Variants in SART3 observed in about 807,000 individuals in gnomAD.
SART3 encodes the protein HIV-1 Tat-interacting protein of 110kDa.
A neutral mutation model predicts 122.3 loss-of-function variants in SART3; 44 were observed. The observed-to-expected ratio is 0.36, with a 90% CI of 0.28 to 0.46. The LOEUF is 0.46. Among genes scored for constraint, SART3 ranks in the 20% least tolerant of loss-of-function variants. SART3 has a pLI of 1.00. For synonymous variants in SART3, 442 were observed against 454.0 expected, an observed-to-expected ratio of 0.97 and a Z score of 0.34; for missense variants, 1,101 against 1,229.0, an observed-to-expected ratio of 0.90 and a Z score of 1.56.
chr12:108,524,494 C>T lies in SART3; in HGVS notation c.2536G>A (p.Val846Met). The T allele has an allele frequency of 1.9e-6, 3 of 1,614,192 alleles. No homozygotes were observed. Among genetic ancestry groups the T allele is most frequent in the South Asian group, 2.2e-5 (2 of 91,086 alleles). The change falls in exon 18 of 19, where the codon GTG becomes ATG. Residue 846 changes from valine (V) to methionine (M), a missense_variant. By Grantham distance (21) the Val-to-Met change is conservative. Coordinates refer to ENST00000546815, the MANE Select transcript of SART3 (RefSeq NM_014706.4). The part of the protein sequence containing the change: ...RAGKPKGLAY[V>M]EYENESQASQ... ...GCCTGGGATTCATTTTCATACTCCACGTAGGCCAGGCCCTGGAAGAGGCAA... is the reference window on the plus strand; with the variant it reads ...GCCTGGGATTCATTTTCATACTCCATGTAGGCCAGGCCCTGGAAGAGGCAA...
At chr12:108,526,669 A>ACCAGACT in intron 15 of SART3, 116 bp from the exon 16 acceptor site, 1 of 1,126,120 alleles carries the variant, frequency 8.9e-7, no homozygotes, top group Admixed American at 1.8e-5. Flanking sequence ...TTACTCCCTC[A>ACCAGACT]CCAGACTCGG....
Position 108,541,305 on chromosome 12 carries a change from G to A in SART3, c.906+1723C>T, listed in dbSNP as rs537768152. Among the ~76,000 whole-genome samples the A allele has an allele frequency of 3.7e-4, 57 of 152,100 alleles. 1 individual carries two copies. In the South Asian group the frequency reaches 0.012, roughly 32 times the overall value. ...GCCTATAATCCCAGCTAATTGGGAG[G>A]CTGAGGCAGGAGAATCGCTTGAACC... On this transcript the variant is annotated intron_variant, in intron 6 of 18. Coordinates refer to ENST00000546815, the MANE Select transcript of SART3 (RefSeq NM_014706.4).
intron 1 of SART3, among the ~76,000 whole-genome samples, chr12:108,556,950 G>A (rs6539439): frequency 0.74 from 112,697 of 152,022 alleles, 43,666 homozygotes; most frequent in East Asian, 0.92. Flanking sequence ...CACCATGTGT[G>A]GATCAGCAGA....
chr12:108,556,382 G>A (rs957118854), intron 1 of SART3, among the ~76,000 whole-genome samples: 2 of 152,224 alleles, frequency 1.3e-5, no homozygotes, highest in East Asian at 3.8e-4. Flanking sequence ...ACAGGTGTGA[G>A]CCACTGCATC....
intron 6 of SART3, among the ~76,000 whole-genome samples, chr12:108,542,321 T>C (rs1354797869): frequency 6.6e-6 from 1 of 152,262 alleles, no homozygotes; most frequent in Non-Finnish European, 1.5e-5. Context: ...AACTCTCAGA[T>C]ACTGCTCACA....
At chr12:108,529,605 G>A (rs1435642771) in intron 15 of SART3, among the ~76,000 whole-genome samples, 1 of 152,162 alleles carries the variant, frequency 6.6e-6, no homozygotes, top group South Asian at 2.1e-4. Flanking sequence ...TTCTCAAAAG[G>A]GTCATCACCA....
chr12:108,538,222 G>C lies in SART3; in HGVS notation c.1063-19C>G. On this transcript the variant is annotated intron_variant, in intron 7 of 18. Coordinates refer to ENST00000546815, the MANE Select transcript of SART3 (RefSeq NM_014706.4). ...GTCGATCCTATGATAAAGAATTCCA[G>C]AGTTAGGAAATTACACTTTATTAAG... 1 of 1,613,896 alleles carries C rather than the reference G, an allele frequency of 6.2e-7. No homozygotes were observed. Among genetic ancestry groups the C allele is most frequent in the Non-Finnish European group, 8.5e-7 (1 of 1,179,812 alleles).
chr12:108,542,634 C>A, intron 6 of SART3: 2 of 334,544 alleles, frequency 6.0e-6, no homozygotes, highest in South Asian at 5.0e-5. Flanking sequence ...ATAAAATATA[C>A]AGCATGATTC....
In SART3 at chr12:108,541,893, G is replaced by GC. The variant is rs1237471808; in HGVS notation, c.906+1134_906+1135insG. ...TTTGTCACTTAGGTGACAATGCAGT[G>GC]GCATGATTACAGCTCACTGCAGCCT... is the stretch of plus-strand genomic sequence containing the variant. On this transcript the variant is annotated intron_variant, in intron 6 of 18. Coordinates refer to ENST00000546815, the MANE Select transcript of SART3 (RefSeq NM_014706.4). Among the ~76,000 whole-genome samples, 7 of 151,802 alleles carry GC rather than the reference G, an allele frequency of 4.6e-5. 1 individual carries two copies. In the East Asian group the frequency reaches 1.4e-3, roughly 29 times the overall value.
intron 1 of SART3, among the ~76,000 whole-genome samples, chr12:108,550,310 C>T (rs901521267): frequency 2.0e-5 from 3 of 152,116 alleles, no homozygotes; most frequent in African/African-American, 7.2e-5. Context: ...AGCAGAAATA[C>T]GGGAACTACG....
rs781485980 is a variant in SART3 at position 108,538,056 on chromosome 12, C to A, written c.1201+9G>T. 4 of 1,614,032 alleles carry A rather than the reference C, an allele frequency of 2.5e-6. No homozygotes were observed. The East Asian group carries it at 8.9e-5, about 36-fold the overall frequency. ...TAGCTTAGAAGTTCTCCCACAAAAA[C>A]ATCCGCACCAGAAATTACTTGATGA... On this transcript the variant is annotated intron_variant, in intron 8 of 18. Transcript: ENST00000546815.
Position 108,524,077 on chromosome 12 carries a change from G to A in SART3, c.2714+239C>T. On this transcript the variant is annotated intron_variant, in intron 18 of 18. Coordinates refer to ENST00000546815, the MANE Select transcript of SART3 (RefSeq NM_014706.4). Reference sequence around the variant, plus strand: ...TTAAAATAATCACTGCCTTATTTCTGTCTGAAATAAATGACAAGTGTAAAT... The same window carrying A: ...TTAAAATAATCACTGCCTTATTTCTATCTGAAATAAATGACAAGTGTAAAT... The A allele has an allele frequency of 5.1e-6, 3 of 590,024 alleles. No individual in the cohort carries two copies. In the South Asian group the frequency reaches 6.1e-5, roughly 12 times the overall value. 36.5% of individuals were successfully genotyped at this position (590,024 alleles called of 1,614,324 possible). A position where few individuals can be genotyped will look rare whatever the true frequency, so the allele number is the denominator to read the frequency against.
At chr12:108,540,720 A>G (rs941468699) in intron 6 of SART3, among the ~76,000 whole-genome samples, 17 of 152,092 alleles carry the variant, frequency 1.1e-4, no homozygotes, top group Admixed American at 9.8e-4. Flanking sequence ...GCAAAACATT[A>G]TAACTCTCAT....
intron 1 of SART3, among the ~76,000 whole-genome samples, chr12:108,557,203 A>G (rs958620240): frequency 7.2e-6 from 1 of 139,204 alleles, no homozygotes; most frequent in African/African-American, 2.9e-5. Context: ...CATTAATGAC[A>G]TAGTTTTTTT....
chr12:108,560,785 A>G (rs1291681184), intron 1 of SART3, 58 bp downstream of exon 1: 3 of 1,480,698 alleles, frequency 2.0e-6, no homozygotes, highest in African/African-American at 2.8e-5. Context: ...GGGCCAGGAC[A>G]TGGGGACCCG....
At chr12:108,535,977 G>A (rs746922994) in intron 11 of SART3, among the ~76,000 whole-genome samples, 7 of 152,128 alleles carry the variant, frequency 4.6e-5, no homozygotes, top group Non-Finnish European at 5.9e-5. Context: ...TCCCTCCGAG[G>A]AGAAAACATG....
chr12:108,532,074 A>G lies in SART3; in HGVS notation c.1669+148T>C. Reference sequence around the variant, plus strand: ...AAGAGCTGCAGGAGGACTCATTTTCAGGACACTTGTGACAGTCTAATCATA... The same window carrying G: ...AAGAGCTGCAGGAGGACTCATTTTCGGGACACTTGTGACAGTCTAATCATA... On this transcript the variant is annotated intron_variant, in intron 13 of 18. Transcript: ENST00000546815. The G allele has an allele frequency of 4.4e-6, 3 of 685,004 alleles. No individual in the cohort carries two copies. The South Asian group carries it at 4.5e-5, about 10-fold the overall frequency. The allele number at this position is 685,004 out of a possible 1,614,324, so 42.4% of individuals were successfully genotyped here.
Position 108,558,885 on chromosome 12 carries a change from T to C in SART3, c.312+1958A>G, listed in dbSNP as rs542897472. On this transcript the variant is annotated intron_variant, in intron 1 of 18. Transcript: ENST00000546815. ...CATCTCTACTAAAAATAGTAAAAAT[T>C]AGCCGGACTTGGTGGCGGGCGCCTG... 1.2e-4 allele frequency among the ~76,000 whole-genome samples: 18 copies of C among 151,890 alleles called. No individual in the cohort carries two copies. The South Asian group carries it at 3.7e-3, about 32-fold the overall frequency.
Position 108,523,472 on chromosome 12 carries a change from C to A in SART3, c.2877G>T (p.Leu959=). 1 of 1,612,618 alleles carries A rather than the reference C, an allele frequency of 6.2e-7. No homozygotes were observed. Among genetic ancestry groups the A allele is most frequent in the Non-Finnish European group, 8.5e-7 (1 of 1,180,006 alleles). Residue 959 remains leucine, a synonymous_variant, in exon 19 of 19, where the codon CTG becomes CTT. Coordinates refer to ENST00000546815, the MANE Select transcript of SART3 (RefSeq NM_014706.4). ...AGCGTCCCGTTCACTTTCTCAGAAA[C>A]AGCTTGGCAAAATCGGCATTGGACA... ...PKMSNADFAK[L]FLRK is the part of the protein sequence containing the mutation.
Sources: gnomAD v4.1 joint callset for allele counts (sites outside exome capture counted in the v4.1 genomes callset) on GRCh38, gnomAD v4.1.1 for gene constraint, MANE v1.5 for transcripts, NCBI Gene and HGNC (gene_info 2026-07-23, HGNC 2026-07-21) for gene names.